Variants in SYBU observed in about 807,000 individuals in gnomAD.
SYBU encodes GOLSYN A protein.
Under a neutral mutation model 35.9 loss-of-function variants are expected in SYBU, and 21 were observed. The ratio of observed to expected loss-of-function variants is 0.58; its 90% CI spans 0.41 to 0.84. SYBU has a LOEUF of 0.84. SYBU is among the 40% of genes least tolerant of loss of function. The probability of loss-of-function intolerance (pLI) is 0.00; values close to 1 mark genes in which losing one functional copy is unlikely to be tolerated. For missense variants in SYBU, 768 were observed against 848.2 expected, an observed-to-expected ratio of 0.91 and a Z score of 1.17; for synonymous variants, 319 against 324.3, an observed-to-expected ratio of 0.98 and a Z score of 0.18.
At chr8:109,683,496 T>C (rs3108835), upstream of SYBU, among the ~76,000 whole-genome samples, 1 of 152,158 alleles carries the variant, frequency 6.6e-6, no homozygotes, top group South Asian at 2.1e-4. Context: ...GTACCCCCAT[T>C]GTATCTGGGA....
intron 1 of SYBU, among the ~76,000 whole-genome samples, chr8:109,658,392 A>G (rs1387454368): frequency 2.0e-5 from 3 of 152,232 alleles, no homozygotes; most frequent in East Asian, 3.8e-4. Context: ...AAACTTCTCA[A>G]TTCACGAAGA....
chr8:109,595,295 T>C (rs1218623686), intron 3 of SYBU, among the ~76,000 whole-genome samples: 2 of 152,190 alleles, frequency 1.3e-5, no homozygotes, highest in African/African-American at 4.8e-5. Flanking sequence ...GTAAAAATTC[T>C]TCTTTTAGAT....
At chr8:109,608,931 A>G (rs1810875969) in intron 3 of SYBU, among the ~76,000 whole-genome samples, 2 of 152,200 alleles carry the variant, frequency 1.3e-5, no homozygotes, top group African/African-American at 4.8e-5. Context: ...TAATGCATAC[A>G]TTCTGCTACA....
At chr8:109,671,427 C>A (rs1239086615) in intron 1 of SYBU, among the ~76,000 whole-genome samples, 1 of 152,106 alleles carries the variant, frequency 6.6e-6, no homozygotes. Flanking sequence ...GAGCCTTTTT[C>A]AGTGGGGGCT....
chr8:109,582,362 T>C (rs1823130894), intron 4 of SYBU, among the ~76,000 whole-genome samples: 1 of 152,204 alleles, frequency 6.6e-6, no homozygotes, highest in Non-Finnish European at 1.5e-5. Flanking sequence ...ATTATAGGCA[T>C]TGATAGGAAA....
At chr8:109,578,143 C>G in intron 5 of SYBU, 126 bp from the exon 6 acceptor site, 1 of 1,085,914 alleles carries the variant, frequency 9.2e-7, no homozygotes, top group Non-Finnish European at 1.3e-6. Flanking sequence ...GAACTTCTTA[C>G]CCCAATATGA....
intron 2 of SYBU, among the ~76,000 whole-genome samples, chr8:109,639,867 C>T (rs866112715): frequency 5.3e-5 from 8 of 152,106 alleles, no homozygotes; most frequent in Middle Eastern, 3.2e-3. Context: ...TATTTTCCAC[C>T]CACCAACCGG....
At chr8:109,580,129 T>A in intron 4 of SYBU, 127 bp from the exon 5 acceptor site, 1 of 871,440 alleles carries the variant, frequency 1.1e-6, no homozygotes, top group Non-Finnish European at 1.8e-6. Flanking sequence ...ATTATTCGTG[T>A]AGACTGTCCT....
chr8:109,617,068 G>A (rs1477209632), intron 3 of SYBU, among the ~76,000 whole-genome samples: 2 of 152,220 alleles, frequency 1.3e-5, no homozygotes, highest in African/African-American at 4.8e-5. Context: ...CCTTGGAGGT[G>A]GAGGTTGCAG....
At chr8:109,667,583 TAAATA>T (rs1407291686) in intron 1 of SYBU, among the ~76,000 whole-genome samples, 1 of 152,146 alleles carries the variant, frequency 6.6e-6, no homozygotes, top group African/African-American at 2.4e-5. Flanking sequence ...ATACTGTGCA[TAAATA>T]AAATGCTTCA....
At chr8:109,653,730 G>T (rs1255253064) in intron 1 of SYBU, among the ~76,000 whole-genome samples, 2 of 152,026 alleles carry the variant, frequency 1.3e-5, no homozygotes, top group Non-Finnish European at 2.9e-5. Flanking sequence ...TTGTACAGAT[G>T]GCCATTTCTC....
chr8:109,672,778 C>T (rs1330699217), intron 1 of SYBU, among the ~76,000 whole-genome samples: 2 of 152,238 alleles, frequency 1.3e-5, no homozygotes, highest in Non-Finnish European at 2.9e-5. Flanking sequence ...CTAAGATCCA[C>T]TGGCTTTAAA....
chr8:109,674,632 G>A (rs1817117514), intron 1 of SYBU, among the ~76,000 whole-genome samples: 1 of 152,074 alleles, frequency 6.6e-6, no homozygotes, highest in African/African-American at 2.4e-5. Context: ...CAACTAATGA[G>A]CAAAATAAAG....
intron 3 of SYBU, among the ~76,000 whole-genome samples, chr8:109,604,123 C>G (rs1825827552): frequency 1.3e-5 from 2 of 152,000 alleles, no homozygotes; most frequent in African/African-American, 4.8e-5. Flanking sequence ...TGATCTTATT[C>G]CTAGACAGGT....
chr8:109,604,697 T>C (rs969004364), intron 3 of SYBU, among the ~76,000 whole-genome samples: 3 of 152,192 alleles, frequency 2.0e-5, no homozygotes, highest in Non-Finnish European at 4.4e-5. Context: ...TATAGGAGGC[T>C]ATGGAGCAAT....
chr8:109,602,600 A>C (rs1416155441), intron 3 of SYBU, among the ~76,000 whole-genome samples: 1 of 151,768 alleles, frequency 6.6e-6, no homozygotes, highest in Non-Finnish European at 1.5e-5. Flanking sequence ...CACCCGGTTA[A>C]TTTTTGCATT....
In SYBU at chr8:109,602,271, C is replaced by T. The variant is rs191317483; in HGVS notation, c.428-16109G>A. On this transcript the variant is annotated intron_variant, in intron 3 of 6. Coordinates refer to ENST00000276646, the MANE Select transcript of SYBU (RefSeq NM_001099754.2). ...ATAAAAGAACAATTGAGTGGAGATA[C>T]GTATGTTTGGAAAAGCAAACAAAAT... Among the ~76,000 whole-genome samples, 34 of 152,074 alleles carry T rather than the reference C, an allele frequency of 2.2e-4. 1 individual carries two copies. The highest frequency in any genetic ancestry group is 1.6e-3 in the Admixed American group (25 of 15,276).
intron 1 of SYBU, among the ~76,000 whole-genome samples, chr8:109,661,292 A>AAACTATTGG (rs556602481): frequency 1.3e-5 from 2 of 152,250 alleles, no homozygotes; most frequent in Non-Finnish European, 2.9e-5. Context: ...GCAGCTAAAG[A>AAACTATTGG]AACTATTGGA....
rs571462552 is a variant in SYBU at position 109,690,748 on chromosome 8, G to A, written c.-58+585C>T. ...ACCTGTTGATACCACCCACCATGAGGAGGTTTTGAGCTCATCAACGTAGCC... is the reference window on the plus strand; with the variant it reads ...ACCTGTTGATACCACCCACCATGAGAAGGTTTTGAGCTCATCAACGTAGCC... On this transcript the variant is annotated intron_variant, in intron 1 of 7. Transcript: ENST00000422135. Among the ~76,000 whole-genome samples the A allele has an allele frequency of 8.5e-5, 13 of 152,208 alleles. No individual in the cohort carries two copies. In the South Asian group the frequency reaches 2.3e-3, roughly 27 times the overall value.
Sources: allele counts gnomAD v4.1 joint callset (sites outside exome capture counted in the v4.1 genomes callset), GRCh38; gene constraint gnomAD v4.1.1; transcripts MANE v1.5; gene names NCBI Gene and HGNC (gene_info 2026-07-23, HGNC 2026-07-21).